ULK4: variants seen among roughly 807,000 people sequenced by gnomAD.
ULK4 encodes inactive serine/threonine-protein kinase ULK4.
Under a neutral mutation model 160.6 loss-of-function variants are expected in ULK4, and 133 were observed. The ratio of observed to expected loss-of-function variants is 0.83; its 90% confidence interval spans 0.72 to 0.96. The LOEUF (loss-of-function observed/expected upper bound fraction) is 0.96, where lower values mean the gene tolerates loss of function less well. ULK4 is among the 40% of genes least tolerant of loss of function. The probability of loss-of-function intolerance (pLI) is 0.00; values close to 1 mark genes in which losing one functional copy is unlikely to be tolerated. For missense variants in ULK4, 1,580 were observed against 1,499.5 expected (o/e 1.05, Z -0.89); for synonymous variants, 534 against 539.8 (o/e 0.99, Z 0.15).
chr3:41,795,740 T>C (rs1302871095), intron 20 of ULK4, among the ~76,000 whole-genome samples: 1 of 152,238 alleles, frequency 6.6e-6, no homozygotes, highest in Non-Finnish European at 1.5e-5. Context: ...GATATGATTT[T>C]ATGAAGTTCA....
intron 35 of ULK4, among the ~76,000 whole-genome samples, chr3:41,293,238 G>A (rs1177778479): frequency 6.6e-6 from 1 of 152,072 alleles, no homozygotes; most frequent in Admixed American, 6.6e-5. Flanking sequence ...GAAAAACAAT[G>A]ATGGGATTAT....
intron 17 of ULK4, among the ~76,000 whole-genome samples, chr3:41,846,536 G>A (rs2125668889): frequency 6.6e-6 from 1 of 152,200 alleles, no homozygotes; most frequent in African/African-American, 2.4e-5. Context: ...CAGGCGCAGT[G>A]GCTCACACCT....
chr3:41,841,927 T>C (rs1476962034), intron 17 of ULK4, among the ~76,000 whole-genome samples: 4 of 152,062 alleles, frequency 2.6e-5, no homozygotes, highest in South Asian at 4.2e-4. Context: ...GTTAAACAGA[T>C]GCTTGAAGGC....
intron 35 of ULK4, among the ~76,000 whole-genome samples, chr3:41,270,013 A>G (rs1235644663): frequency 6.6e-6 from 1 of 150,932 alleles, no homozygotes; most frequent in Non-Finnish European, 1.5e-5. Flanking sequence ...GTTGGAATAT[A>G]TATGTATCAT....
chr3:41,698,668 T>C (rs890322729), intron 27 of ULK4, among the ~76,000 whole-genome samples: 1 of 152,192 alleles, frequency 6.6e-6, no homozygotes, highest in African/African-American at 2.4e-5. Flanking sequence ...TTCATATTTA[T>C]GTAAATTTTT....
rs1364599196 is a variant in ULK4, at chr3:41,642,396, G to A, written c.3071+21211C>T. On this transcript the variant is annotated intron_variant, in intron 30 of 36. Coordinates refer to ENST00000301831, the MANE Select transcript of ULK4 (RefSeq NM_017886.4). ...GATGTTCCCCTTCCTGCGTCCATGT[G>A]TTCTCATTGTTCAATTCCCACCTAT... Among the ~76,000 whole-genome samples, 3 of 151,898 alleles carry A rather than the reference G, an allele frequency of 2.0e-5. No individual in the cohort carries two copies. The East Asian group carries it at 5.8e-4, about 29-fold the overall frequency.
chr3:41,829,031 A>C (rs980895173), intron 18 of ULK4, among the ~76,000 whole-genome samples: 4 of 151,426 alleles, frequency 2.6e-5, no homozygotes, highest in South Asian at 2.1e-4. Flanking sequence ...ACCTGACAAA[A>C]ACAAGCAATG....
intron 32 of ULK4, among the ~76,000 whole-genome samples, chr3:41,542,639 C>A (rs2086734133): frequency 6.6e-6 from 1 of 152,136 alleles, no homozygotes; most frequent in Non-Finnish European, 1.5e-5. Context: ...GGCTGTGAAT[C>A]CATCTGGTCC....
At chr3:41,307,815 G>A (rs139457287) in intron 35 of ULK4, among the ~76,000 whole-genome samples, 1,519 of 143,842 alleles carry the variant, frequency 0.011, 18 homozygotes, top group African/African-American at 0.038. Flanking sequence ...GGGTGACAGA[G>A]CAAAACCCCG....
intron 19 of ULK4, among the ~76,000 whole-genome samples, chr3:41,803,808 C>T (rs1236012465): frequency 2.0e-5 from 3 of 152,266 alleles, no homozygotes; most frequent in East Asian, 1.9e-4. Flanking sequence ...CTACAAAGGA[C>T]ATGAACTCAT....
intron 31 of ULK4, among the ~76,000 whole-genome samples, chr3:41,613,241 T>C (rs112638603): frequency 2.0e-5 from 3 of 152,170 alleles, no homozygotes; most frequent in Non-Finnish European, 4.4e-5. Flanking sequence ...TGCACCATTA[T>C]TTTATCAAGC....
At chr3:41,881,689 AT>A (rs1020522668) in intron 17 of ULK4, among the ~76,000 whole-genome samples, 8 of 152,044 alleles carry the variant, frequency 5.3e-5, no homozygotes, top group East Asian at 3.9e-4. Context: ...AGTACACGCC[AT>A]TTTTTTTAAT....
intron 22 of ULK4, among the ~76,000 whole-genome samples, chr3:41,747,607 A>G (rs557628594): frequency 1.6e-4 from 25 of 152,310 alleles, no homozygotes; most frequent in Non-Finnish European, 2.2e-4. Flanking sequence ...ATATTTGAAG[A>G]TAGGTGTGTG....
At position 41,718,598 on chromosome 3, in the gene ULK4, C is replaced by T. The variant is rs142430987; in HGVS notation, c.2322-737G>A. On this transcript the variant is annotated intron_variant, in intron 22 of 36. Coordinates refer to ENST00000301831, the MANE Select transcript of ULK4 (RefSeq NM_017886.4). ...TTTCTCAAGTTCCCATTCCCCCCAA[C>T]TCCCTACAGGGCAACAAGTCCACTG... Among the ~76,000 whole-genome samples, 916 of 152,234 alleles carry T rather than the reference C, an allele frequency of 6.0e-3. 6 individuals carry two copies. Among genetic ancestry groups the T allele is most frequent in the African/African-American group, 0.021 (854 of 41,530 alleles).
At chr3:41,343,687 G>A (rs2080737190) in intron 35 of ULK4, among the ~76,000 whole-genome samples, 1 of 152,136 alleles carries the variant, frequency 6.6e-6, no homozygotes. Flanking sequence ...AAAATCGCTA[G>A]TATTCCTATA....
At chr3:41,695,835 T>C (rs911235996) in intron 27 of ULK4, among the ~76,000 whole-genome samples, 5 of 152,166 alleles carry the variant, frequency 3.3e-5, no homozygotes, top group African/African-American at 1.2e-4. Context: ...AATTACTCTT[T>C]ATTCCAATAT....
At chr3:41,484,654 G>T (rs569626155) in intron 32 of ULK4, among the ~76,000 whole-genome samples, 15 of 151,918 alleles carry the variant, frequency 9.9e-5, no homozygotes, top group Admixed American at 3.9e-4. Context: ...GGGTTTCACC[G>T]TGTTAGCCAG....
At chr3:41,387,677 T>A (rs1473870419) in intron 35 of ULK4, among the ~76,000 whole-genome samples, 1 of 152,220 alleles carries the variant, frequency 6.6e-6, no homozygotes, top group African/African-American at 2.4e-5. Flanking sequence ...TCCAGCTTCA[T>A]CCATGTCCCT....
intron 35 of ULK4, among the ~76,000 whole-genome samples, chr3:41,261,111 C>T (rs1035772990): frequency 3.3e-5 from 5 of 151,966 alleles, no homozygotes; most frequent in African/African-American, 7.3e-5. Flanking sequence ...AGTAGATGTG[C>T]GGGGGCAAAG....
Sources: allele counts gnomAD v4.1 joint callset (sites outside exome capture counted in the v4.1 genomes callset), GRCh38; gene constraint gnomAD v4.1.1; transcripts MANE v1.5; gene names NCBI Gene and HGNC (gene_info 2026-07-23, HGNC 2026-07-21).